Variants in CEP128 observed in about 807,000 individuals in gnomAD.
The protein encoded by CEP128 is centrosomal protein 128kDa.
In CEP128, 132 loss-of-function variants were observed where a neutral mutation model predicts 156.7. The ratio of observed to expected loss-of-function variants is 0.84; its 90% CI spans 0.73 to 0.97. The LOEUF is 0.97. CEP128 is among the 50% of genes least tolerant of loss of function. The probability of loss-of-function intolerance (pLI) is 0.00; values close to 1 mark genes in which losing one functional copy is unlikely to be tolerated. For synonymous variants in CEP128, 469 were observed against 448.9 expected, an observed-to-expected ratio of 1.04 and a Z score of -0.57; for missense variants, 1,252 against 1,281.9, an observed-to-expected ratio of 0.98 and a Z score of 0.36.
Position 80,927,173 on chromosome 14 carries a change from A to G in CEP128, c.-15-10611T>C, listed in dbSNP as rs185290496. On this transcript the variant is annotated intron_variant, in intron 2 of 24. Transcript: ENST00000555265. ...AGGGTAAGGGGGCGTGTACCACATT[A>G]AGAGGGCAGACACCCCGTCGGACAA... 2.6e-5 allele frequency among the ~76,000 whole-genome samples: 4 copies of G among 152,294 alleles called. No individual in the cohort carries two copies. The East Asian group carries it at 7.7e-4, about 29-fold the overall frequency.
rs563405334 is a variant in CEP128 at position 80,580,399 on chromosome 14, T to C, written c.2831A>G (p.Lys944Arg). The part of the protein sequence containing the change: ...KRDLLEETQR[K>R]DEEMGSLQDR... ...CTGCAGAGATCCCATTTCTTCATCT[T>C]TTCTTTGGGTCTCTTCCAGTAGATC... The change falls in exon 20 of 25, where the codon AAA (lysine) becomes AGA (arginine). Residue 944 changes from lysine (K) to arginine (R), a missense_variant. Transcript: ENST00000555265. 1.1e-5 allele frequency: 18 copies of C among 1,600,886 alleles called. No individual in the cohort carries two copies. Among genetic ancestry groups the C allele is most frequent in the Middle Eastern group, 1.7e-4 (1 of 5,792 alleles).
intron 19 of CEP128, among the ~76,000 whole-genome samples, chr14:80,589,597 C>A (rs776810499): frequency 6.6e-6 from 1 of 152,058 alleles, no homozygotes; most frequent in Non-Finnish European, 1.5e-5. Context: ...TGCACACCTG[C>A]GTTTAGCTCC....
chr14:80,941,177 G>A (rs1886132870), intron 1 of CEP128, among the ~76,000 whole-genome samples: 1 of 151,836 alleles, frequency 6.6e-6, no homozygotes, highest in African/African-American at 2.4e-5. Flanking sequence ...TACAAAACAG[G>A]TATTAAAAAA....
intron 19 of CEP128, among the ~76,000 whole-genome samples, chr14:80,732,609 A>T (rs1331289557): frequency 6.6e-6 from 1 of 151,840 alleles, no homozygotes; most frequent in East Asian, 1.9e-4. Context: ...GAAATCGGTG[A>T]TTTACTTTTT....
At chr14:80,612,381 A>G (rs1566810593) in intron 19 of CEP128, among the ~76,000 whole-genome samples, 1 of 152,208 alleles carries the variant, frequency 6.6e-6, no homozygotes, top group Non-Finnish European at 1.5e-5. Flanking sequence ...AATATTAGGA[A>G]TAGTATGAAC....
intron 23 of CEP128, chr14:80,526,628 A>T: frequency 3.2e-6 from 1 of 309,914 alleles, no homozygotes; most frequent in Non-Finnish European, 5.9e-6. Context: ...CCCGTAAACA[A>T]GTAACATATC....
Position 80,875,670 on chromosome 14 carries a change from T to C in CEP128, c.646-12797A>G, listed in dbSNP as rs183700560. ...AATGAAAATCAGTGAGTGGGTTTAA[T>C]AGGCTTGCCTCAGTTGAAGAGAGAT... is the stretch of plus-strand genomic sequence containing the variant. On this transcript the variant is annotated intron_variant, in intron 8 of 24. Coordinates refer to ENST00000555265, the MANE Select transcript of CEP128 (RefSeq NM_152446.5). 4.3e-3 allele frequency among the ~76,000 whole-genome samples: 648 copies of C among 152,312 alleles called. 10 individuals are homozygous for C. The highest frequency in any genetic ancestry group is 0.015 in the African/African-American group (617 of 41,582).
At chr14:80,720,243 A>G (rs1345108831) in intron 19 of CEP128, among the ~76,000 whole-genome samples, 2 of 152,120 alleles carry the variant, frequency 1.3e-5, no homozygotes, top group African/African-American at 4.8e-5. Context: ...AAGGGGGAGA[A>G]TGGGTGAAGC....
intron 9 of CEP128, among the ~76,000 whole-genome samples, chr14:80,857,112 C>T (rs141022954): frequency 6.6e-6 from 1 of 151,316 alleles, no homozygotes; most frequent in African/African-American, 2.4e-5. Context: ...TATGAAATAG[C>T]CAGTAAAAAA....
intron 23 of CEP128, among the ~76,000 whole-genome samples, chr14:80,524,789 T>C (rs1329357574): frequency 6.6e-6 from 1 of 152,194 alleles, no homozygotes; most frequent in Non-Finnish European, 1.5e-5. Flanking sequence ...ATTTAAGTAG[T>C]ATTAATGTGG....
chr14:80,641,016 A>G (rs1894385128), intron 19 of CEP128, among the ~76,000 whole-genome samples: 1 of 152,160 alleles, frequency 6.6e-6, no homozygotes, highest in Admixed American at 6.5e-5. Context: ...TTGAAGGGCC[A>G]TTATTATGAG....
rs533024226 is a variant in CEP128 at position 80,497,382 on chromosome 14, G to C, written c.*97C>G. 1.6e-5 allele frequency: 12 copies of C among 754,430 alleles called. No individual in the cohort carries two copies. The highest frequency in any genetic ancestry group is 2.5e-5 in the Admixed American group (1 of 40,694). The allele number at this position is 754,430 out of a possible 1,614,324, so 46.7% of individuals were successfully genotyped here. On this transcript the variant is annotated 3_prime_UTR_variant, in exon 25 of 25. Coordinates refer to ENST00000555265, the MANE Select transcript of CEP128 (RefSeq NM_152446.5). ...CAATACCAAAGAGCCAAAGCTGCAGGTATGTCTGTTAGATAATCTGGGCCA... is the reference window on the plus strand; with the variant it reads ...CAATACCAAAGAGCCAAAGCTGCAGCTATGTCTGTTAGATAATCTGGGCCA...
chr14:80,510,999 G>C (rs1434869327), intron 23 of CEP128, among the ~76,000 whole-genome samples: 1 of 149,674 alleles, frequency 6.7e-6, no homozygotes, highest in Non-Finnish European at 1.5e-5. Flanking sequence ...TGGTTTGCTG[G>C]TATTTTGTTG....
At chr14:80,819,758 G>A (rs1161057002) in intron 13 of CEP128, among the ~76,000 whole-genome samples, 1 of 152,162 alleles carries the variant, frequency 6.6e-6, no homozygotes, top group African/African-American at 2.4e-5. Flanking sequence ...TTTCAGTGCT[G>A]AGTGTGAGTT....
chr14:80,840,448 C>T (rs1018120406), intron 10 of CEP128, among the ~76,000 whole-genome samples: 1 of 152,192 alleles, frequency 6.6e-6, no homozygotes, highest in East Asian at 1.9e-4. Context: ...AAGTTTAATT[C>T]ACCTCTCAGA....
chr14:80,548,570 T>C (rs1380831224), intron 21 of CEP128, among the ~76,000 whole-genome samples: 1 of 152,230 alleles, frequency 6.6e-6, no homozygotes, highest in Non-Finnish European at 1.5e-5. Flanking sequence ...ACATGTGTTG[T>C]ATTTTACAGA....
chr14:80,795,241 C>T (rs532124500), intron 13 of CEP128, among the ~76,000 whole-genome samples: 1 of 152,266 alleles, frequency 6.6e-6, no homozygotes, highest in South Asian at 2.1e-4. Flanking sequence ...ATCAGAACTG[C>T]CACCTTTAAA....
chr14:80,740,391 G>A (rs1898751997), intron 19 of CEP128, among the ~76,000 whole-genome samples: 1 of 151,424 alleles, frequency 6.6e-6, no homozygotes, highest in Non-Finnish European at 1.5e-5. Context: ...GCCAGGACAG[G>A]CCACACCCAC....
intron 24 of CEP128, 98 bp from the exon 25 acceptor site, chr14:80,497,680 T>C: frequency 1.4e-6 from 1 of 730,044 alleles, no homozygotes; most frequent in South Asian, 1.7e-5. Flanking sequence ...ATCATGGTAT[T>C]TGATCGAGTT....
Sources: allele counts gnomAD v4.1 joint callset (sites outside exome capture counted in the v4.1 genomes callset), GRCh38; gene constraint gnomAD v4.1.1; transcripts MANE v1.5; gene names NCBI Gene and HGNC (gene_info 2026-07-23, HGNC 2026-07-21).